TET3: variants seen among roughly 807,000 people sequenced by gnomAD.
TET3 encodes methylcytosine dioxygenase TET3.
TET3 carries 19 observed loss-of-function variants against 141.4 expected under a neutral mutation model. The observed-to-expected ratio is 0.13, with a 90% CI of 0.09 to 0.20. The LOEUF (loss-of-function observed/expected upper bound fraction) is 0.20, where lower values mean the gene tolerates loss of function less well. Ranked by LOEUF, TET3 falls within the 10% of genes least tolerant of loss-of-function variation. The pLI, the probability that TET3 is intolerant of heterozygous loss-of-function variation, is 1.00. For missense variants in TET3, 1,874 were observed against 2,356.9 expected, an observed-to-expected ratio of 0.80 and a Z score of 4.24; for synonymous variants, 1,043 against 980.9, an observed-to-expected ratio of 1.06 and a Z score of -1.18.
In TET3 at chr2:74,047,603, A is replaced by G; in HGVS notation, c.1686A>G (p.Pro562=). 1 of 1,613,716 alleles carries G rather than the reference A, an allele frequency of 6.2e-7. No individual in the cohort carries two copies. The highest frequency in any genetic ancestry group is 8.5e-7 in the Non-Finnish European group (1 of 1,179,802). Residue 562 remains proline (P), a synonymous_variant, in exon 4 of 12, where the codon CCA becomes CCG. Transcript: ENST00000409262. ...SEPSAPGWWP[P]PSSPVPRLPD... is the part of the protein sequence containing the mutation. Reference sequence around the variant, plus strand: ...CTTCTGCTCCTGGCTGGTGGCCCCCACCAAGTTCACCTGTCCCACGGCTTC... The same window carrying G: ...CTTCTGCTCCTGGCTGGTGGCCCCCGCCAAGTTCACCTGTCCCACGGCTTC...
intron 3 of TET3, among the ~76,000 whole-genome samples, chr2:74,008,769 G>A (rs111251003): frequency 2.7e-5 from 4 of 150,700 alleles, no homozygotes; most frequent in Middle Eastern, 3.4e-3. Context: ...AGGGAGGGGT[G>A]GGGGGAGGTA....
chr2:74,117,012 G>C, the TET3 span, among the ~76,000 whole-genome samples: 1 of 152,152 alleles, frequency 6.6e-6, no homozygotes. Context: ...GGGCAAGGGA[G>C]AGGGGAGCGG....
rs1460726847 is a variant in TET3 at position 74,047,808 on chromosome 2, G to A, written c.1891G>A (p.Gly631Arg). Reference sequence around the variant, plus strand: ...ACCTGTCCGACAGATTGTCCTGGAAGGGCTTAGGTCCCCAGCCTCCCAGGA... The same window carrying A: ...ACCTGTCCGACAGATTGTCCTGGAAAGGCTTAGGTCCCCAGCCTCCCAGGA... ...FPPVRQIVLE[G>R]LRSPASQEVQ... The change falls in exon 4 of 12, where the codon GGG (glycine) becomes AGG (arginine). Residue 631 changes from glycine to arginine, a missense_variant. Physicochemically the swap from Gly to Arg is moderately radical, Grantham distance 125 (BLOSUM62 -2). This residue lies in a region of TET3 where 484 missense variants were observed against 462.2 expected (regional missense o/e 1.05). Transcript: ENST00000409262. The A allele has an allele frequency of 9.9e-6, 16 of 1,613,346 alleles. No individual in the cohort carries two copies. The highest frequency in any genetic ancestry group is 1.3e-5 in the African/African-American group (1 of 74,884).
chr2:74,024,788 G>A (rs1020494122), intron 3 of TET3, among the ~76,000 whole-genome samples: 8 of 152,082 alleles, frequency 5.3e-5, no homozygotes, highest in South Asian at 2.1e-4. Flanking sequence ...TTTTTATTTC[G>A]GCATAATTTC....
intron 3 of TET3, among the ~76,000 whole-genome samples, chr2:74,022,512 C>CT (rs59928885): frequency 2.1e-3 from 292 of 141,454 alleles, no homozygotes; most frequent in African/African-American, 5.5e-3. Flanking sequence ...TTTTGCCAAA[C>CT]TTTTTTTTTT....
At chr2:74,110,626 C>A (rs994469366), downstream of TET3, among the ~76,000 whole-genome samples, 1 of 152,112 alleles carries the variant, frequency 6.6e-6, no homozygotes, top group Non-Finnish European at 1.5e-5. Context: ...CTAGATACCC[C>A]CCAGCACCTC....
chr2:74,033,325 G>A (rs555001081), intron 3 of TET3, among the ~76,000 whole-genome samples: 19 of 152,302 alleles, frequency 1.2e-4, no homozygotes, highest in African/African-American at 3.4e-4. Context: ...ACAGGCATGC[G>A]TTGTGATTGA....
chr2:74,110,371 C>G (rs188113150), downstream of TET3, among the ~76,000 whole-genome samples: 17 of 152,334 alleles, frequency 1.1e-4, no homozygotes, highest in Admixed American at 5.9e-4. Flanking sequence ...GTTGTGTGTT[C>G]TGATGCTCTT....
chr2:74,118,388 T>G, the TET3 span, among the ~76,000 whole-genome samples: 8 of 152,206 alleles, frequency 5.3e-5, no homozygotes, highest in African/African-American at 1.9e-4. Context: ...GACAGACGAT[T>G]CATCTTAAAA....
chr2:74,061,382 C>T (rs1409465817), intron 4 of TET3, among the ~76,000 whole-genome samples: 3 of 140,340 alleles, frequency 2.1e-5, no homozygotes. Context: ...GACCCCCCCA[C>T]CTCCCTCCCG....
chr2:74,101,259 G>T lies in TET3; in HGVS notation c.4471G>T (p.Gly1491Trp), dbSNP rs776254165. Residue 1491 changes from glycine to tryptophan, a missense_variant, in exon 12 of 12, where the codon GGG becomes TGG. Gly to Trp is a radical substitution (Grantham distance 184). Coordinates refer to ENST00000409262, the MANE Select transcript of TET3 (RefSeq NM_001287491.2). The surrounding 1 kb of genome is among the most constrained non-coding windows in gnomAD (Gnocchi z 8.5). Reference sequence around the variant, plus strand: ...TTCCCACTTCACAGATGGCCAGTGGGGGCTGTTCCCCGGTGAGGGGCAGCA... The same window carrying T: ...TTCCCACTTCACAGATGGCCAGTGGTGGCTGTTCCCCGGTGAGGGGCAGCA... The part of the protein sequence containing the change: ...APSHFTDGQW[G>W]LFPGEGQQAA... The T allele has an allele frequency of 1.2e-6, 2 of 1,612,696 alleles. No homozygotes were observed. Among genetic ancestry groups the T allele is most frequent in the Admixed American group, 1.7e-5 (1 of 59,810 alleles).
chr2:74,071,058 A>C (rs1342383922), intron 4 of TET3, among the ~76,000 whole-genome samples: 2 of 152,200 alleles, frequency 1.3e-5, no homozygotes, highest in Admixed American at 6.5e-5. Flanking sequence ...TGCTAAGATC[A>C]AGGCACCAGC....
intron 8 of TET3, 36 bp downstream of exon 8, chr2:74,090,083 C>G (rs372123820): frequency 3.2e-5 from 51 of 1,607,348 alleles, no homozygotes; most frequent in Non-Finnish European, 4.3e-5. Flanking sequence ...GCCTCCCATC[C>G]TTTCTCGCCT....
intron 3 of TET3, among the ~76,000 whole-genome samples, chr2:74,021,052 A>G (rs989649801): frequency 1.3e-5 from 2 of 152,182 alleles, no homozygotes; most frequent in Non-Finnish European, 2.9e-5. Context: ...CCAAGAGGAC[A>G]CTCAAGAAAT....
chr2:74,110,367 T>C (rs1351507025), downstream of TET3, among the ~76,000 whole-genome samples: 4 of 152,212 alleles, frequency 2.6e-5, no homozygotes, highest in Non-Finnish European at 4.4e-5. Context: ...CTTTGTTGTG[T>C]GTTCTGATGC....
chr2:74,071,529 T>C (rs373688414), intron 4 of TET3, among the ~76,000 whole-genome samples: 2 of 152,254 alleles, frequency 1.3e-5, no homozygotes, highest in African/African-American at 4.8e-5. Context: ...AATTCCTGTA[T>C]ACCCTTTATA....
the TET3 span, chr2:74,130,923 G>A: frequency 6.6e-6 from 1 of 152,262 alleles, no homozygotes; most frequent in Admixed American, 6.5e-5. Flanking sequence ...CCGCAAATGG[G>A]TGAGGGGGTG....
At chr2:74,037,873 T>A (rs1402963918) in intron 3 of TET3, among the ~76,000 whole-genome samples, 3 of 152,204 alleles carry the variant, frequency 2.0e-5, no homozygotes, top group Non-Finnish European at 4.4e-5. Context: ...TTTTGATGTG[T>A]TGAGAGTAAG....
At chr2:73,997,898 T>C (rs1005754924) in intron 2 of TET3, among the ~76,000 whole-genome samples, 3 of 152,110 alleles carry the variant, frequency 2.0e-5, no homozygotes, top group African/African-American at 7.2e-5. Context: ...AGGGATGCCT[T>C]GAGGGCAGAG....
Sources: allele counts gnomAD v4.1 joint callset (sites outside exome capture counted in the v4.1 genomes callset), GRCh38; gene constraint gnomAD v4.1.1; regional missense constraint gnomAD v4.1.1; non-coding constraint Gnocchi (gnomAD v3.1); transcripts MANE v1.5; gene names NCBI Gene and HGNC (gene_info 2026-07-23, HGNC 2026-07-21).